MSR1: variants seen among roughly 807,000 people sequenced by gnomAD.
MSR1 encodes the protein macrophage scavenger receptor 1.
Under a neutral mutation model 47.2 loss-of-function variants are expected in MSR1, and 53 were observed. The observed-to-expected ratio is 1.12, with a 90% CI of 0.90 to 1.41. MSR1 has a LOEUF of 1.41. MSR1 is among the 40% of genes most tolerant of loss of function. MSR1 has a pLI of 0.00. For missense variants in MSR1, 786 were observed against 546.9 expected (o/e 1.44, Z -4.36); for synonymous variants, 239 against 185.6 (o/e 1.29, Z -2.34).
chr8:16,187,364 C>CAAA (rs751848634), intron 1 of MSR1, among the ~76,000 whole-genome samples: 41 of 35,362 alleles, frequency 1.2e-3, no homozygotes, highest in African/African-American at 4.0e-3. Flanking sequence ...ACTCTGTCTC[C>CAAA]AAAAAAAAAA....
intron 8 of MSR1, among the ~76,000 whole-genome samples, chr8:16,122,565 G>A (rs916503544): frequency 2.6e-5 from 4 of 152,082 alleles, no homozygotes. Context: ...AATGAGCCTT[G>A]CTTGTCCTGG....
intron 9 of MSR1, among the ~76,000 whole-genome samples, chr8:16,119,943 T>C (rs1246502383): frequency 6.6e-6 from 1 of 150,484 alleles, no homozygotes; most frequent in Non-Finnish European, 1.5e-5. Flanking sequence ...CTTGAACTCA[T>C]TTATTCCAGT....
chr8:16,146,707 A>C (rs977387763), intron 7 of MSR1, among the ~76,000 whole-genome samples: 1 of 152,016 alleles, frequency 6.6e-6, no homozygotes, highest in Non-Finnish European at 1.5e-5. Flanking sequence ...TACTTTGTTC[A>C]TCTCAGCCTG....
At chr8:16,115,471 C>T (rs41454647) in intron 9 of MSR1, among the ~76,000 whole-genome samples, 107,508 of 152,024 alleles carry the variant, frequency 0.71, 41,268 homozygotes, top group Non-Finnish European at 0.86. Flanking sequence ...TTTGCCATGT[C>T]TAATCCCCAA....
rs943833366 is a variant in MSR1 at position 16,146,524 on chromosome 8, C to T, written c.980-2913G>A. 3.3e-5 allele frequency among the ~76,000 whole-genome samples: 5 copies of T among 152,058 alleles called. No individual in the cohort carries two copies. In the East Asian group the frequency reaches 5.8e-4, roughly 18 times the overall value. ...CCGCATACCCTAATCTGGTTATCAC[C>T]CCACCCCACAGAATCTGCTCTGAAC... is the stretch of plus-strand genomic sequence containing the variant. On this transcript the variant is annotated intron_variant, in intron 7 of 9. Coordinates refer to ENST00000262101, the MANE Select transcript of MSR1 (RefSeq NM_138715.3).
chr8:16,134,464 A>G (rs1275261310), intron 8 of MSR1, among the ~76,000 whole-genome samples: 1 of 152,078 alleles, frequency 6.6e-6, no homozygotes, highest in Non-Finnish European at 1.5e-5. Context: ...CATGCCCGTA[A>G]AAGATGGCAA....
intron 7 of MSR1, among the ~76,000 whole-genome samples, chr8:16,149,506 G>A (rs868447838): frequency 6.6e-6 from 1 of 151,828 alleles, no homozygotes; most frequent in Non-Finnish European, 1.5e-5. Context: ...GGGACTACAG[G>A]TACTCACCTC....
intron 8 of MSR1, among the ~76,000 whole-genome samples, chr8:16,134,070 C>T (rs2410388): frequency 0.96 from 145,427 of 152,206 alleles, 69,807 homozygotes; most frequent in East Asian, 1. Context: ...CTTTGTAAAA[C>T]TGAGTTCTCT....
At chr8:16,141,977 A>G (rs351561) in intron 8 of MSR1, among the ~76,000 whole-genome samples, 25,917 of 152,094 alleles carry the variant, frequency 0.17, 3,907 homozygotes, top group East Asian at 0.44. Flanking sequence ...TTTAAGAGGA[A>G]CTCAGCTGAA....
At chr8:16,112,606 G>A (rs1332751699) in intron 9 of MSR1, among the ~76,000 whole-genome samples, 10 of 152,002 alleles carry the variant, frequency 6.6e-5, no homozygotes, top group Non-Finnish European at 1.5e-4. Flanking sequence ...AATGCAGATA[G>A]TATAAAATTC....
chr8:16,146,863 C>T (rs992288854), intron 7 of MSR1, among the ~76,000 whole-genome samples: 6 of 152,110 alleles, frequency 3.9e-5, no homozygotes, highest in African/African-American at 1.4e-4. Context: ...TCTCTGGCCT[C>T]TACTCGAAAC....
chr8:16,171,388 G>C (rs1801483525), intron 3 of MSR1, among the ~76,000 whole-genome samples: 1 of 151,984 alleles, frequency 6.6e-6, no homozygotes, highest in African/African-American at 2.4e-5. Flanking sequence ...ATTAGCTTAT[G>C]TGAAATAACA....
chr8:16,119,417 G>T (rs886300948), intron 9 of MSR1, among the ~76,000 whole-genome samples: 1 of 151,884 alleles, frequency 6.6e-6, no homozygotes, highest in Non-Finnish European at 1.5e-5. Context: ...GTAGAGATGG[G>T]GTTTCACCAT....
intron 2 of MSR1, among the ~76,000 whole-genome samples, chr8:16,177,425 G>A (rs1217433069): frequency 6.6e-6 from 1 of 152,150 alleles, no homozygotes; most frequent in Non-Finnish European, 1.5e-5. Flanking sequence ...AAGCTGGGAG[G>A]AGGCACAGGA....
At chr8:16,124,352 G>A (rs1261785931) in intron 8 of MSR1, among the ~76,000 whole-genome samples, 3 of 152,130 alleles carry the variant, frequency 2.0e-5, no homozygotes, top group Non-Finnish European at 4.4e-5. Context: ...AAAAGTTTGG[G>A]AATCCCTGGT....
chr8:16,128,619 T>G (rs996027977), intron 8 of MSR1, among the ~76,000 whole-genome samples: 2 of 152,178 alleles, frequency 1.3e-5, no homozygotes, highest in African/African-American at 4.8e-5. Flanking sequence ...TAATACGTTT[T>G]CTTTTTTCAC....
At chr8:16,163,941 G>T in intron 5 of MSR1, 124 bp downstream of exon 5, 2 of 708,790 alleles carry the variant, frequency 2.8e-6, no homozygotes, top group African/African-American at 1.8e-5. Flanking sequence ...TTGGGTATTT[G>T]CAGTAAATGT....
At chr8:16,174,429 G>T (rs189394854) in intron 3 of MSR1, among the ~76,000 whole-genome samples, 1 of 152,074 alleles carries the variant, frequency 6.6e-6, no homozygotes, top group Non-Finnish European at 1.5e-5. Context: ...AAAATGCTAC[G>T]CGGGGAATAA....
At chr8:16,141,103 A>T in intron 8 of MSR1, 1 of 1,595,816 alleles carries the variant, frequency 6.3e-7, no homozygotes, top group Non-Finnish European at 8.6e-7. Context: ...AGAAAGCCTT[A>T]CAAAATTTTA....
Sources: allele counts gnomAD v4.1 joint callset (sites outside exome capture counted in the v4.1 genomes callset), GRCh38; gene constraint gnomAD v4.1.1; transcripts MANE v1.5; gene names NCBI Gene and HGNC (gene_info 2026-07-23, HGNC 2026-07-21).